Variants in TMEM181 observed in about 807,000 individuals in gnomAD.
The protein encoded by TMEM181 is G protein-coupled receptor 178.
In TMEM181, 39 loss-of-function variants were observed where a neutral mutation model predicts 71.9. The ratio of observed to expected loss-of-function variants is 0.54; its 90% confidence interval spans 0.42 to 0.71. The LOEUF (loss-of-function observed/expected upper bound fraction) is 0.71, where lower values mean the gene tolerates loss of function less well. Among genes scored for constraint, TMEM181 ranks in the 30% least tolerant of loss-of-function variants. TMEM181 has a pLI of 0.00. For synonymous variants in TMEM181, 245 were observed against 228.8 expected (o/e 1.07, Z -0.64); for missense variants, 595 against 583.0 (o/e 1.02, Z -0.21).
At chr6:158,573,644 A>T (rs1320985114) in intron 2 of TMEM181, 121 bp downstream of exon 2, 1 of 803,842 alleles carries the variant, frequency 1.2e-6, no homozygotes, top group Admixed American at 2.3e-5. Context: ...GTGGAGGGAG[A>T]AGTGTCCACA....
chr6:158,549,847 G>A (rs1389909595), intron 1 of TMEM181, among the ~76,000 whole-genome samples: 3 of 151,734 alleles, frequency 2.0e-5, no homozygotes, highest in African/African-American at 4.8e-5. Flanking sequence ...TTTATGCAAC[G>A]TTGTGGTTTT....
At chr6:158,622,442 TTGTGTGTCA>T (rs1463631268) in intron 10 of TMEM181, among the ~76,000 whole-genome samples, 1 of 152,028 alleles carries the variant, frequency 6.6e-6, no homozygotes, top group Non-Finnish European at 1.5e-5. Context: ...GTGTCGGTGG[TTGTGTGTCA>T]GGAGCAGATG....
intron 2 of TMEM181, among the ~76,000 whole-genome samples, chr6:158,579,795 T>G (rs1329442061): frequency 6.6e-5 from 10 of 152,136 alleles, no homozygotes; most frequent in Non-Finnish European, 1.0e-4. Context: ...TTGAGGACAT[T>G]ATACTAAGTA....
chr6:158,571,157 T>C (rs1016857489), intron 1 of TMEM181, among the ~76,000 whole-genome samples: 2 of 152,104 alleles, frequency 1.3e-5, no homozygotes, highest in Non-Finnish European at 2.9e-5. Flanking sequence ...AGTGCAGTGG[T>C]GCCATCTTGG....
At chr6:158,622,249 A>T (rs1336451209) in intron 10 of TMEM181, among the ~76,000 whole-genome samples, 1 of 152,172 alleles carries the variant, frequency 6.6e-6, no homozygotes, top group Non-Finnish European at 1.5e-5. Context: ...AATATATTAT[A>T]ATAAAAGTTG....
rs149735409 is a variant in TMEM181, at chr6:158,544,182, A to AGAGAGAGAGAGTGTGT, written c.131+7318_131+7319insAGAGAGAGAGTGTGTG. Among the ~76,000 whole-genome samples, 876 of 127,630 alleles carry AGAGAGAGAGAGTGTGT rather than the reference A, an allele frequency of 6.9e-3. 8 individuals carry two copies. The highest frequency in any genetic ancestry group is 8.8e-3 in the Non-Finnish European group (529 of 60,132). The allele number at this position is 127,630 out of a possible 152,430, so 83.7% of individuals were successfully genotyped here. A position where few individuals can be genotyped will look rare whatever the true frequency, so the allele number is the denominator to read the frequency against. On this transcript the variant is annotated intron_variant, in intron 1 of 16. Transcript: ENST00000367090. The stretch of plus-strand genomic sequence containing the variant: ...GGTTTCTCAGGTGCAAATTGGAGAG[A>AGAGAGAGAGAGTGTGT]GTGTGTGTGTGTGTGTGTGTGTGTG...
At chr6:158,611,924 G>A (rs1785343070) in intron 10 of TMEM181, among the ~76,000 whole-genome samples, 1 of 152,128 alleles carries the variant, frequency 6.6e-6, no homozygotes, top group Admixed American at 6.5e-5. Flanking sequence ...GCTTATCTGG[G>A]AGGGGGAGGT....
chr6:158,611,702 A>G lies in TMEM181; in HGVS notation c.896+2952A>G, dbSNP rs980617643. 14 of 239,930 alleles carry G rather than the reference A, an allele frequency of 5.8e-5. No individual in the cohort carries two copies. In the Admixed American group the frequency reaches 6.0e-4, roughly 10 times the overall value. 14.9% of individuals were successfully genotyped at this position (239,930 alleles called of 1,614,324 possible). ...CCCCGCCCACACCTGTGCCCGAGGA[A>G]TGCCGGGGAGGAATGTAAGAGTTAA... is the stretch of plus-strand genomic sequence containing the variant. On this transcript the variant is annotated intron_variant, in intron 10 of 16. Transcript: ENST00000684151.
chr6:158,607,431 A>C, intron 8 of TMEM181, 88 bp downstream of exon 8: 1 of 1,238,526 alleles, frequency 8.1e-7, no homozygotes. Flanking sequence ...TCATCCCAGC[A>C]CTTTGAGAGG....
At chr6:158,545,349 C>T (rs1781492668) in intron 1 of TMEM181, among the ~76,000 whole-genome samples, 1 of 152,278 alleles carries the variant, frequency 6.6e-6, no homozygotes, top group Admixed American at 6.5e-5. Context: ...CTGGGACTGG[C>T]CTCCCCTGGC....
exon 1 of TMEM181, chr6:158,536,677 C>T (rs1465017590): frequency 5.3e-6 from 8 of 1,519,134 alleles, no homozygotes; most frequent in African/African-American, 4.3e-5. Flanking sequence ...AGAGAGGGGG[C>T]GCAGGCGGCG....
chr6:158,608,824 G>A lies in TMEM181; in HGVS notation c.896+74G>A, dbSNP rs528577784. ...CAAAAGTGGAAAGGCCAGGCCAGGC[G>A]TAGTGGCTCACGCCTGTAATCCCAG... On this transcript the variant is annotated intron_variant, in intron 10 of 16. Transcript: ENST00000684151. 2.1e-5 allele frequency: 30 copies of A among 1,414,876 alleles called. 1 individual carries two copies. The highest frequency in any genetic ancestry group is 2.0e-4 in the South Asian group (16 of 81,232). 87.6% of individuals were successfully genotyped at this position (1,414,876 alleles called of 1,614,324 possible).
intron 1 of TMEM181, among the ~76,000 whole-genome samples, chr6:158,555,011 G>C (rs1159272808): frequency 6.6e-6 from 1 of 152,162 alleles, no homozygotes; most frequent in African/African-American, 2.4e-5. Flanking sequence ...TGAGTTTAGG[G>C]TTACATTTTC....
At chr6:158,622,636 A>G (rs1224397388) in intron 10 of TMEM181, among the ~76,000 whole-genome samples, 1 of 152,250 alleles carries the variant, frequency 6.6e-6, no homozygotes, top group African/African-American at 2.4e-5. Flanking sequence ...TTCTGACTGC[A>G]GCTGATTTCA....
chr6:158,586,755 C>G (rs933729121), intron 5 of TMEM181, among the ~76,000 whole-genome samples: 1 of 152,158 alleles, frequency 6.6e-6, no homozygotes, highest in Non-Finnish European at 1.5e-5. Flanking sequence ...CATTCTGCTT[C>G]CAGGGGATGA....
intron 6 of TMEM181, among the ~76,000 whole-genome samples, chr6:158,595,593 A>G (rs1015006415): frequency 2.0e-5 from 3 of 152,260 alleles, no homozygotes; most frequent in African/African-American, 7.2e-5. Flanking sequence ...AATACTATAT[A>G]GCGAGGAGAA....
chr6:158,618,712 T>C (rs2128324712), intron 10 of TMEM181, among the ~76,000 whole-genome samples: 1 of 152,372 alleles, frequency 6.6e-6, no homozygotes, highest in Non-Finnish European at 1.5e-5. Flanking sequence ...TCTCAGCATT[T>C]GCTGTCTGTA....
intron 8 of TMEM181, 31 bp from the exon 9 acceptor site, chr6:158,608,302 T>C (rs751581205): frequency 6.2e-7 from 1 of 1,613,648 alleles, no homozygotes; most frequent in African/African-American, 1.3e-5. Context: ...GGGCCTGTTT[T>C]CCACATGGAT....
At chr6:158,583,315 C>G (rs1783581634) in intron 3 of TMEM181, among the ~76,000 whole-genome samples, 1 of 152,144 alleles carries the variant, frequency 6.6e-6, no homozygotes, top group African/African-American at 2.4e-5. Flanking sequence ...TAGTATGTAT[C>G]TCATCATTCT....
Sources: gnomAD v4.1 joint callset for allele counts (sites outside exome capture counted in the v4.1 genomes callset) on GRCh38, gnomAD v4.1.1 for gene constraint, MANE v1.5 for transcripts, NCBI Gene and HGNC (gene_info 2026-07-23, HGNC 2026-07-21) for gene names.